The following LANCL3 variants were observed in gnomAD, a reference collection of about 807,000 sequenced individuals.
LANCL3 encodes the protein LanC like family member 3, also known as lanC-like protein 3.
LANCL3 carries 19 observed loss-of-function variants against 26.5 expected under a neutral mutation model. The ratio of observed to expected loss-of-function variants is 0.72; its 90% CI spans 0.50 to 1.05. LANCL3 has a LOEUF of 1.05. Among genes scored for constraint, LANCL3 ranks in the 50% least tolerant of loss-of-function variants. The pLI is 0.00. For missense variants in LANCL3, 318 were observed against 362.7 expected (o/e 0.88, Z 1.00); for synonymous variants, 160 against 166.6 (o/e 0.96, Z 0.30).
chrX:37,600,682 A>G (rs1432371526), intron 1 of LANCL3, among the ~76,000 whole-genome samples: 1 of 111,953 alleles, frequency 8.9e-6, no homozygotes, highest in African/African-American at 3.3e-5. Context: ...CTAATTCAGT[A>G]CTTCTCAAAC....
At chrX:37,650,170 G>C (rs1333180561) in intron 1 of LANCL3, among the ~76,000 whole-genome samples, 2 of 107,826 alleles carry the variant, frequency 1.9e-5, no homozygotes, top group African/African-American at 6.8e-5. Flanking sequence ...AGGTGTGGTG[G>C]TGGGCACCTG....
rs1212072534 is a variant in LANCL3, at chrX:37,572,402, C to T, written c.532C>T (p.Leu178=). The change falls in exon 1 of 5, where the codon CTG becomes TTG. Residue 178 remains leucine (L), a synonymous_variant. Transcript: ENST00000378619. ...GCTGTTCGTGGGCCGCGCGGGTTACCTGTGTGCCGCGCTGGTGCTCAAGCA... is the reference window on the plus strand; with the variant it reads ...GCTGTTCGTGGGCCGCGCGGGTTACTTGTGTGCCGCGCTGGTGCTCAAGCA... ...DELFVGRAGY[L]CAALVLKQKL... The T allele has an allele frequency of 5.1e-6, 6 of 1,177,256 alleles. No homozygotes were observed. Among genetic ancestry groups the T allele is most frequent in the African/African-American group, 3.5e-5 (2 of 56,988 alleles).
chrX:37,658,722 G>A (rs1926345663), intron 2 of LANCL3, among the ~76,000 whole-genome samples: 1 of 111,904 alleles, frequency 8.9e-6, no homozygotes. Flanking sequence ...TACAAATCTG[G>A]CCGTTTCATT....
At chrX:37,652,523 CTTAA>C (rs1926178106) in intron 1 of LANCL3, among the ~76,000 whole-genome samples, 2 of 112,186 alleles carry the variant, frequency 1.8e-5, no homozygotes, top group African/African-American at 6.5e-5. Flanking sequence ...TTTGAAATAT[CTTAA>C]TTTATTTTAA....
chrX:37,624,504 C>T (rs1925257942), intron 1 of LANCL3, among the ~76,000 whole-genome samples: 1 of 111,437 alleles, frequency 9.0e-6, no homozygotes, highest in African/African-American at 3.3e-5. Flanking sequence ...TTTTGTTCTA[C>T]TGTAACTTTT....
At chrX:37,610,773 C>T (rs781791961) in intron 1 of LANCL3, among the ~76,000 whole-genome samples, 3 of 112,077 alleles carry the variant, frequency 2.7e-5, no homozygotes, top group Non-Finnish European at 5.6e-5. Flanking sequence ...CAACAGTGGC[C>T]CTCCCTGACA....
chrX:37,641,208 T>C (rs1330196710), intron 1 of LANCL3, among the ~76,000 whole-genome samples: 1 of 110,406 alleles, frequency 9.1e-6, no homozygotes, highest in Non-Finnish European at 1.9e-5. Flanking sequence ...ACACAGAGGA[T>C]GGATTCCCTA....
rs782781653 is a variant in LANCL3 at position 37,677,719 on chromosome X, G to A, written c.*1906G>A. 4 of 111,684 alleles carry A rather than the reference G, an allele frequency of 3.6e-5. No homozygotes were observed. The highest frequency in any genetic ancestry group is 6.5e-5 in the African/African-American group (2 of 30,781). 9.2% of individuals were successfully genotyped at this position (111,684 alleles called of 1,213,427 possible). A position where few individuals can be genotyped will look rare whatever the true frequency, so the allele number is the denominator to read the frequency against. On this transcript the variant is annotated 3_prime_UTR_variant, in exon 5 of 5. Transcript: ENST00000378619. The stretch of plus-strand genomic sequence containing the variant: ...TTATGGAACACATGCAGTTTTTATC[G>A]TCCAAGAACCCCTCAAGATGTGTTT...
rs1356423621 is a variant in LANCL3 at position 37,679,557 on chromosome X, A to G, written c.*3744A>G. On this transcript the variant is annotated 3_prime_UTR_variant, in exon 5 of 5. Transcript: ENST00000378619. ...GGTCTGTAGAGAGAAAATGAACTGG[A>G]AAATAAAGTAATTCTGGGGTGAGTT... The G allele has an allele frequency of 1.8e-5, 2 of 111,912 alleles. No homozygotes were observed. Among genetic ancestry groups the G allele is most frequent in the Non-Finnish European group, 3.8e-5 (2 of 53,176 alleles). The allele number at this position is 111,912 out of a possible 1,213,427, so 9.2% of individuals were successfully genotyped here.
At chrX:37,580,630 A>G (rs1556416907) in intron 1 of LANCL3, among the ~76,000 whole-genome samples, 1 of 111,076 alleles carries the variant, frequency 9.0e-6, no homozygotes, top group Admixed American at 9.6e-5. Context: ...TGCTGTGCAG[A>G]AGATCATCAT....
chrX:37,592,179 A>T (rs12558107), intron 1 of LANCL3, among the ~76,000 whole-genome samples: 3 of 111,928 alleles, frequency 2.7e-5, no homozygotes, highest in Non-Finnish European at 5.6e-5. Context: ...AACAAGCAGT[A>T]GGTTGAAGGA....
At chrX:37,631,060 G>A (rs1488492174) in intron 1 of LANCL3, among the ~76,000 whole-genome samples, 6 of 111,579 alleles carry the variant, frequency 5.4e-5, no homozygotes, top group Non-Finnish European at 9.4e-5. Flanking sequence ...GGTAGAATTC[G>A]GCTGTGAATC....
intron 1 of LANCL3, among the ~76,000 whole-genome samples, chrX:37,580,738 T>C (rs1394728256): frequency 9.3e-6 from 1 of 107,916 alleles, no homozygotes; most frequent in Non-Finnish European, 1.9e-5. Flanking sequence ...CTTCTGGCAA[T>C]TACCATTCTA....
intron 1 of LANCL3, among the ~76,000 whole-genome samples, chrX:37,648,402 A>G (rs1286698161): frequency 1.8e-5 from 2 of 112,047 alleles, no homozygotes; most frequent in South Asian, 3.7e-4. Context: ...TTTCTTGGCT[A>G]GCCATGTGCA....
At chrX:37,604,342 G>T (rs1448116486) in intron 1 of LANCL3, among the ~76,000 whole-genome samples, 1 of 112,396 alleles carries the variant, frequency 8.9e-6, no homozygotes, top group Admixed American at 9.4e-5. Context: ...AAGAGGTTCT[G>T]CAGTGGTTTT....
chrX:37,581,101 C>T (rs73470140), intron 1 of LANCL3, among the ~76,000 whole-genome samples: 2,087 of 110,588 alleles, frequency 0.019, 67 homozygotes, highest in African/African-American at 0.065. Flanking sequence ...GCCGCTCTTG[C>T]TGGTTTATGG....
At chrX:37,576,161 G>C (rs782815576) in intron 1 of LANCL3, among the ~76,000 whole-genome samples, 11 of 111,452 alleles carry the variant, frequency 9.9e-5, no homozygotes, top group Non-Finnish European at 2.1e-4. Flanking sequence ...CCCTTTTCTA[G>C]GTTCTTTTCT....
chrX:37,668,608 G>T (rs1926606436), intron 4 of LANCL3, among the ~76,000 whole-genome samples: 1 of 110,968 alleles, frequency 9.0e-6, no homozygotes. Context: ...GGTTACAAAA[G>T]ATATTGTTTT....
At chrX:37,575,165 G>T (rs1923714179) in intron 1 of LANCL3, among the ~76,000 whole-genome samples, 1 of 109,254 alleles carries the variant, frequency 9.2e-6, no homozygotes, top group African/African-American at 3.4e-5. Flanking sequence ...GGGCTCAAGT[G>T]ATCTGCCCGC....
Sources: gnomAD v4.1 joint callset for allele counts (sites outside exome capture counted in the v4.1 genomes callset) on GRCh38, gnomAD v4.1.1 for gene constraint, MANE v1.5 for transcripts, NCBI Gene and HGNC (gene_info 2026-07-23, HGNC 2026-07-21) for gene names.